Variants in ADGRV1 observed in about 807,000 individuals in gnomAD.
ADGRV1 encodes adhesion G protein-coupled receptor V1.
A neutral mutation model predicts 596.2 loss-of-function variants in ADGRV1; 359 were observed. The ratio of observed to expected loss-of-function variants is 0.60; its 90% CI spans 0.55 to 0.66. ADGRV1 has a LOEUF of 0.66. Among genes scored for constraint, ADGRV1 ranks in the 30% least tolerant of loss-of-function variants. The pLI, the probability that ADGRV1 is intolerant of heterozygous loss-of-function variation, is 0.00. For synonymous variants in ADGRV1, 2,681 were observed against 2,679.2 expected, an observed-to-expected ratio of 1.00 and a Z score of -0.02; for missense variants, 7,274 against 7,575.6, an observed-to-expected ratio of 0.96 and a Z score of 1.48.
intron 43 of ADGRV1, chr5:90,718,219 T>C (rs548759976): frequency 6.6e-6 from 1 of 152,366 alleles, no homozygotes; most frequent in East Asian, 1.9e-4. Context: ...ATTTCGCATA[T>C]GTGAAATTAT....
intron 83 of ADGRV1, among the ~76,000 whole-genome samples, chr5:90,878,611 G>T (rs925082299): frequency 6.6e-6 from 1 of 152,160 alleles, no homozygotes; most frequent in Non-Finnish European, 1.5e-5. Flanking sequence ...AAAAGTCAAA[G>T]ATGTACTTCT....
intron 1 of ADGRV1, among the ~76,000 whole-genome samples, chr5:90,571,415 C>T (rs1472721942): frequency 6.6e-6 from 1 of 152,058 alleles, no homozygotes; most frequent in African/African-American, 2.4e-5. Flanking sequence ...ACTTGTGTGT[C>T]ATCTTCTAGG....
chr5:90,627,092 A>T, intron 6 of ADGRV1, 119 bp from the exon 7 acceptor site: 1 of 544,396 alleles, frequency 1.8e-6, no homozygotes, highest in Non-Finnish European at 3.1e-6. Flanking sequence ...TTGCTCCCTC[A>T]GTTAAAGAAT....
chr5:90,988,568 T>C (rs1780687646), intron 85 of ADGRV1, among the ~76,000 whole-genome samples: 1 of 152,156 alleles, frequency 6.6e-6, no homozygotes, highest in Admixed American at 6.6e-5. Context: ...ATAAAACACT[T>C]TTCTGAGCTC....
intron 84 of ADGRV1, among the ~76,000 whole-genome samples, chr5:90,970,093 G>A (rs529113702): frequency 4.0e-4 from 61 of 152,314 alleles, no homozygotes; most frequent in Non-Finnish European, 6.9e-4. Context: ...TGCCTGGCTC[G>A]GAGGGTCCCA....
At chr5:90,939,892 GA>G (rs1776026549) in intron 83 of ADGRV1, among the ~76,000 whole-genome samples, 2 of 152,148 alleles carry the variant, frequency 1.3e-5, no homozygotes, top group African/African-American at 4.8e-5. Flanking sequence ...GAGAGATTAA[GA>G]GAGATTAGAC....
chr5:90,627,333 C>G lies in ADGRV1; in HGVS notation c.795C>G (p.Phe265Leu). Residue 265 changes from phenylalanine to leucine, a missense_variant, in exon 7 of 90, where the codon TTC (phenylalanine) becomes TTG (leucine). Physicochemically the swap from Phe to Leu is conservative, Grantham distance 22. Transcript: ENST00000405460. Reference protein sequence around the residue: ...IIKKNDSPVRFLQSIYLVPEE... With the variant: ...IIKKNDSPVRLLQSIYLVPEE... ...AGAAAAATGATAGTCCCGTGAGATT[C>G]CTTCAGAGTATTTATTTGGTTCCTG... 6.2e-7 allele frequency: 1 copy of G among 1,613,766 alleles called. No homozygotes were observed. Among genetic ancestry groups the G allele is most frequent in the Non-Finnish European group, 8.5e-7 (1 of 1,179,732 alleles).
intron 83 of ADGRV1, among the ~76,000 whole-genome samples, chr5:90,912,598 C>A (rs1300764272): frequency 6.6e-6 from 1 of 151,962 alleles, no homozygotes; most frequent in Non-Finnish European, 1.5e-5. Context: ...CCATGAGTAC[C>A]TAATGTTTAG....
At chr5:91,074,645 G>A (rs1237812745) in intron 86 of ADGRV1, among the ~76,000 whole-genome samples, 1 of 152,210 alleles carries the variant, frequency 6.6e-6, no homozygotes, top group Non-Finnish European at 1.5e-5. Context: ...ATGTGTGCAT[G>A]TGTCTTCATG....
intron 24 of ADGRV1, 109 bp from the exon 25 acceptor site, chr5:90,675,971 T>A (rs896632357): frequency 1.5e-5 from 11 of 751,666 alleles, no homozygotes; most frequent in Non-Finnish European, 1.8e-5. Flanking sequence ...TTTATAATAA[T>A]TTGGGATATA....
At chr5:90,807,474 A>T (rs1762013893) in intron 72 of ADGRV1, 128 bp from the exon 73 acceptor site, 1 of 923,816 alleles carries the variant, frequency 1.1e-6, no homozygotes, top group East Asian at 2.7e-5. Flanking sequence ...CTTTTTAAAA[A>T]TGTTTTACCT....
At chr5:90,600,519 G>A (rs1010580827) in intron 1 of ADGRV1, among the ~76,000 whole-genome samples, 1 of 152,176 alleles carries the variant, frequency 6.6e-6, no homozygotes, top group African/African-American at 2.4e-5. Flanking sequence ...ATTCCATGGT[G>A]TATATGTGCC....
chr5:90,989,975 C>A (rs758087100), intron 85 of ADGRV1, among the ~76,000 whole-genome samples: 5 of 152,120 alleles, frequency 3.3e-5, no homozygotes, highest in Admixed American at 2.0e-4. Context: ...TGCCACCACA[C>A]CTGGCCAATT....
At chr5:90,674,332 G>C (rs1057013892) in intron 23 of ADGRV1, 98 bp downstream of exon 23, 5 of 840,164 alleles carry the variant, frequency 6.0e-6, no homozygotes, top group Non-Finnish European at 8.7e-6. Flanking sequence ...GACGGAAGTA[G>C]AATGCCTTCA....
At position 90,781,582 on chromosome 5, in the gene ADGRV1, G is replaced by C. The variant is rs778080956; in HGVS notation, c.13231+4G>C. The C allele has an allele frequency of 8.8e-6, 14 of 1,593,362 alleles. No homozygotes were observed. The Admixed American group carries it at 1.6e-4, about 18-fold the overall frequency. On this transcript the variant is annotated splice_donor_region_variant and intron_variant, in intron 65 of 89. Coordinates refer to ENST00000405460, the MANE Select transcript of ADGRV1 (RefSeq NM_032119.4). Reference sequence around the variant, plus strand: ...CCAAAGTATACTGCCTTCGAAGGTAGGTTCAGTCAGCTAGCTTGTAAGTAA... The same window carrying C: ...CCAAAGTATACTGCCTTCGAAGGTACGTTCAGTCAGCTAGCTTGTAAGTAA...
At chr5:90,599,663 C>T (rs545137284) in intron 1 of ADGRV1, among the ~76,000 whole-genome samples, 142 of 152,072 alleles carry the variant, frequency 9.3e-4, no homozygotes, top group Non-Finnish European at 1.4e-3. Flanking sequence ...CAGAGAAGCC[C>T]AATCTCAGAG....
At chr5:90,833,187 G>C (rs2150336980) in intron 77 of ADGRV1, among the ~76,000 whole-genome samples, 1 of 152,246 alleles carries the variant, frequency 6.6e-6, no homozygotes, top group Middle Eastern at 3.4e-3. Context: ...GCTTTGGGTA[G>C]TATGAACATG....
chr5:90,797,547 T>G (rs1460962845), intron 70 of ADGRV1, among the ~76,000 whole-genome samples: 1 of 152,144 alleles, frequency 6.6e-6, no homozygotes, highest in African/African-American at 2.4e-5. Flanking sequence ...AACACCCCAC[T>G]GTCAATATTA....
intron 78 of ADGRV1, among the ~76,000 whole-genome samples, chr5:90,844,417 A>G (rs1232506830): frequency 6.6e-6 from 1 of 152,220 alleles, no homozygotes; most frequent in Non-Finnish European, 1.5e-5. Context: ...GTATTATACT[A>G]AAAAAGAGCA....
Sources: allele counts gnomAD v4.1 joint callset (sites outside exome capture counted in the v4.1 genomes callset), GRCh38; gene constraint gnomAD v4.1.1; transcripts MANE v1.5; gene names NCBI Gene and HGNC (gene_info 2026-07-23, HGNC 2026-07-21).